SLC29A4: variants seen among roughly 807,000 people sequenced by gnomAD.
The protein encoded by SLC29A4 is equilibrative nucleoside transporter 4.
Under a neutral mutation model 43.9 loss-of-function variants are expected in SLC29A4, and 36 were observed. The observed-to-expected ratio is 0.82, with a 90% confidence interval of 0.63 to 1.08. The LOEUF (loss-of-function observed/expected upper bound fraction) is 1.08, where lower values mean the gene tolerates loss of function less well. Ranked by LOEUF, SLC29A4 falls within the 50% of genes least tolerant of loss-of-function variation. SLC29A4 has a pLI of 0.00. For synonymous variants in SLC29A4, 491 were observed against 338.0 expected, an observed-to-expected ratio of 1.45 and a Z score of -4.97; for missense variants, 869 against 755.3, an observed-to-expected ratio of 1.15 and a Z score of -1.77.
intron 7 of SLC29A4, 53 bp downstream of exon 7, chr7:5,297,251 C>CTTCTCTG: frequency 6.8e-7 from 1 of 1,461,558 alleles, no homozygotes; most frequent in Non-Finnish European, 9.0e-7. Context: ...TCTCTGTCCC[C>CTTCTCTG]ACCGCTTCGT....
chr7:5,289,695 G>A (rs535633466), intron 2 of SLC29A4, among the ~76,000 whole-genome samples: 2 of 152,038 alleles, frequency 1.3e-5, no homozygotes, highest in African/African-American at 2.4e-5. Flanking sequence ...AGACCATCAC[G>A]GTCCCCCCCT....
intron 10 of SLC29A4, among the ~76,000 whole-genome samples, chr7:5,302,279 A>G (rs1372491636): frequency 6.6e-6 from 1 of 152,176 alleles, no homozygotes; most frequent in African/African-American, 2.4e-5. Flanking sequence ...GGGGAGGGTT[A>G]GGGCCAGGCT....
At chr7:5,290,674 C>T (rs1209743987) in intron 2 of SLC29A4, 58 bp from the exon 3 acceptor site, 50 of 1,561,486 alleles carry the variant, frequency 3.2e-5, no homozygotes, top group East Asian at 4.5e-5. Flanking sequence ...TCGCCCTGTG[C>T]GGTGACTGTA....
At chr7:5,298,874 C>A (rs1241888258) in intron 7 of SLC29A4, 114 bp from the exon 8 acceptor site, 5 of 1,187,312 alleles carry the variant, frequency 4.2e-6, no homozygotes, top group Non-Finnish European at 5.8e-6. Flanking sequence ...GTAGGTACCA[C>A]CTGAATGTCA....
chr7:5,297,537 C>T (rs1785796210), intron 7 of SLC29A4, among the ~76,000 whole-genome samples: 1 of 152,226 alleles, frequency 6.6e-6, no homozygotes, highest in Non-Finnish European at 1.5e-5. Flanking sequence ...ATCCCTGGGA[C>T]AGCCCACGTT....
rs565038354 is a variant in SLC29A4, at chr7:5,299,171, C to T, written c.1021+45C>T. Reference sequence around the variant, plus strand: ...TGCTGCCCTGGCTCTGGCACCCAGGCAGGGGGTGGGGGAGGCAGGCAGGGG... The same window carrying T: ...TGCTGCCCTGGCTCTGGCACCCAGGTAGGGGGTGGGGGAGGCAGGCAGGGG... On this transcript the variant is annotated intron_variant, in intron 8 of 10. Transcript: ENST00000396872. 10 of 1,599,174 alleles carry T rather than the reference C, an allele frequency of 6.3e-6. No individual in the cohort carries two copies. In the East Asian group the frequency reaches 1.8e-4, roughly 29 times the overall value.
At chr7:5,302,748 C>G in intron 10 of SLC29A4, 49 bp from the exon 11 acceptor site, 1 of 1,525,162 alleles carries the variant, frequency 6.6e-7, no homozygotes, top group Non-Finnish European at 8.8e-7. Context: ...GCCGTGGCCA[C>G]CAGGTGGCCG....
chr7:5,283,197 T>C (rs1351580656), intron 1 of SLC29A4, 115 bp downstream of exon 1: 2 of 88,026 alleles, frequency 2.3e-5, no homozygotes, highest in Non-Finnish European at 4.9e-5. Context: ...CTGCCCCCTC[T>C]CCCCAGCCCG....
At chr7:5,302,732 C>T (rs1786255667) in intron 10 of SLC29A4, 65 bp from the exon 11 acceptor site, 15 of 1,494,682 alleles carry the variant, frequency 1.0e-5, no homozygotes, top group Admixed American at 6.4e-5. Context: ...ACCTCACACC[C>T]GAGCAGCCGT....
At position 5,301,389 on chromosome 7, in the gene SLC29A4, A is replaced by G. The variant is rs147076250; in HGVS notation, c.1450+727A>G. Among the ~76,000 whole-genome samples, 1,010 of 152,266 alleles carry G rather than the reference A, an allele frequency of 6.6e-3. 8 individuals are homozygous for G. Among genetic ancestry groups the G allele is most frequent in the African/African-American group, 0.023 (965 of 41,538 alleles). The stretch of plus-strand genomic sequence containing the variant: ...TCAGGCTCGGGAGCCAGCAGTGTAA[A>G]TGGAGCAATCTGGGAAGACCTCACT... On this transcript the variant is annotated intron_variant, in intron 10 of 10. Transcript: ENST00000396872.
chr7:5,297,040 G>A lies in SLC29A4; in HGVS notation c.724G>A (p.Glu242Lys), dbSNP rs761826165. 1.2e-6 allele frequency: 2 copies of A among 1,607,284 alleles called. No homozygotes were observed. The stretch of plus-strand genomic sequence containing the variant: ...CTTCTTCCTGGTGTCGGTGGCGCTG[G>A]AGCTGCTGTGTTTCCTGCTGCACCT... ...LIFFLVSVAL[E>K]LLCFLLHLLV... The change falls in exon 7 of 11, where the codon GAG becomes AAG. Residue 242 changes from glutamate to lysine, a missense_variant. Glu to Lys is a moderately conservative substitution (Grantham distance 56, BLOSUM62 1). Coordinates refer to ENST00000396872, the MANE Select transcript of SLC29A4 (RefSeq NM_153247.4).
chr7:5,298,862 C>T (rs1785910928), intron 7 of SLC29A4, 126 bp from the exon 8 acceptor site: 11 of 1,021,828 alleles, frequency 1.1e-5, no homozygotes, highest in African/African-American at 3.3e-5. Flanking sequence ...TGTCTGCACA[C>T]AGTAGGTACC....
At position 5,303,369 on chromosome 7, in the gene SLC29A4, C is replaced by T. The variant is rs907295533; in HGVS notation, c.*430C>T. ...CTGATCGGGGCACCGCCTGGCCCAG[C>T]CTCCACCAGGGACCCCTCCTCATGA... On this transcript the variant is annotated 3_prime_UTR_variant, in exon 11 of 11. Transcript: ENST00000396872. The T allele has an allele frequency of 2.3e-5, 5 of 217,344 alleles. No individual in the cohort carries two copies. In the Admixed American group the frequency reaches 2.9e-4, roughly 13 times the overall value. 13.5% of individuals were successfully genotyped at this position (217,344 alleles called of 1,614,324 possible). A position where few individuals can be genotyped will look rare whatever the true frequency, so the allele number is the denominator to read the frequency against.
Position 5,294,934 on chromosome 7 carries a change from AGT to A in SLC29A4, c.619+2_619+3del, listed in dbSNP as rs1255067287. On this transcript the variant is annotated splice_donor_variant, in intron 6 of 10. Transcript: ENST00000396872. LOFTEE classifies it high-confidence loss of function. ...CACGCAGGGGGTGATGACCGGGGAG[AGT>A]GAGTATCTGCAGACCCCCCGGGGAG... is the stretch of plus-strand genomic sequence containing the variant. 2 of 1,604,890 alleles carry A rather than the reference AGT, an allele frequency of 1.2e-6. No homozygotes were observed.
At chr7:5,289,754 A>C (rs2128087589) in intron 2 of SLC29A4, among the ~76,000 whole-genome samples, 1 of 152,152 alleles carries the variant, frequency 6.6e-6, no homozygotes, top group Admixed American at 6.5e-5. Context: ...CCTCCTCTCC[A>C]GATAAAGGCA....
intron 9 of SLC29A4, 101 bp downstream of exon 9, chr7:5,299,528 G>A (rs1785982844): frequency 2.4e-6 from 3 of 1,273,774 alleles, no homozygotes; most frequent in South Asian, 2.9e-5. Flanking sequence ...AAGGATGCAT[G>A]TGGCTCCCAG....
chr7:5,291,030 G>A, intron 3 of SLC29A4, 94 bp from the exon 4 acceptor site: 1 of 1,541,502 alleles, frequency 6.5e-7, no homozygotes, highest in Non-Finnish European at 8.9e-7. Flanking sequence ...CACCCTCTGT[G>A]GGCAGCGAGC....
rs1241755840 is a variant in SLC29A4, at chr7:5,291,114, C to T, written c.302-10C>T. ...CTCCCTGAGCACCTGCTGTCTCTGG[C>T]CCTCTGCAGGGACCTCCATCGTGTT... On this transcript the variant is annotated splice_polypyrimidine_tract_variant and intron_variant, in intron 3 of 10. Coordinates refer to ENST00000396872, the MANE Select transcript of SLC29A4 (RefSeq NM_153247.4). 3.1e-6 allele frequency: 5 copies of T among 1,612,706 alleles called. No individual in the cohort carries two copies. Among genetic ancestry groups the T allele is most frequent in the African/African-American group, 2.7e-5 (2 of 74,908 alleles).
At chr7:5,298,780 A>G (rs557078515) in intron 7 of SLC29A4, among the ~76,000 whole-genome samples, 3 of 152,190 alleles carry the variant, frequency 2.0e-5, no homozygotes, top group Non-Finnish European at 2.9e-5. Flanking sequence ...AGCCTCGGCA[A>G]CAGAGCAAGA....
Sources: gnomAD v4.1 joint callset for allele counts (sites outside exome capture counted in the v4.1 genomes callset) on GRCh38, gnomAD v4.1.1 for gene constraint, MANE v1.5 for transcripts, NCBI Gene and HGNC (gene_info 2026-07-23, HGNC 2026-07-21) for gene names.